F7: variants seen among roughly 807,000 people sequenced by gnomAD.
F7 encodes the protein FVII coagulation protein.
In F7, 38 loss-of-function variants were observed where a neutral mutation model predicts 47.5. That is an observed-to-expected ratio of 0.80 (90% CI 0.62 to 1.05). F7 has a LOEUF of 1.05. Among genes scored for constraint, F7 ranks in the 50% least tolerant of loss-of-function variants. The pLI, the probability that F7 is intolerant of heterozygous loss-of-function variation, is 0.00. For synonymous variants in F7, 244 were observed against 258.5 expected (o/e 0.94, Z 0.54); for missense variants, 575 against 605.4 (o/e 0.95, Z 0.53).
At position 113,117,424 on chromosome 13, in the gene F7, G is replaced by T. The variant is rs574551772; in HGVS notation, c.616-49G>T. 6.2e-6 allele frequency: 10 copies of T among 1,607,764 alleles called. No individual in the cohort carries two copies. The South Asian group carries it at 7.7e-5, about 12-fold the overall frequency. ...ATGCCCGGGAGGGCGAGTCATCAGA[G>T]AAACAATGACAGCAATGTGACTTCC... is the stretch of plus-strand genomic sequence containing the variant. On this transcript the variant is annotated intron_variant, in intron 6 of 7. Transcript: ENST00000346342.
intron 1 of F7, among the ~76,000 whole-genome samples, chr13:113,108,552 T>C (rs1298922182): frequency 6.3e-5 from 1 of 15,816 alleles, no homozygotes; most frequent in African/African-American, 3.0e-4. Context: ...GTCCCGGGAG[T>C]GTGGGTGTCC....
chr13:113,116,892 C>T lies in F7; in HGVS notation c.615+17C>T. 4 of 1,585,256 alleles carry T rather than the reference C, an allele frequency of 2.5e-6. No homozygotes were observed. Among genetic ancestry groups the T allele is most frequent in the Non-Finnish European group, 3.5e-6 (4 of 1,154,296 alleles). On this transcript the variant is annotated intron_variant, in intron 6 of 7. Transcript: ENST00000346342. ...CCATGGCAGGTAAGGCTTCCCCTGG[C>T]TTCAGGATTCCAAGCCCTGAGGGTC... is the stretch of plus-strand genomic sequence containing the variant.
At chr13:113,105,974 G>A in intron 1 of F7, 69 bp downstream of exon 1, 3 of 1,442,174 alleles carry the variant, frequency 2.1e-6, no homozygotes, top group East Asian at 2.5e-5. Context: ...AGCCAGCCCG[G>A]GCTTCCCAAA....
chr13:113,110,331 GGGGTTGCCCGGCACCC>G (rs2036065411), intron 1 of F7: 1 of 245,640 alleles, frequency 4.1e-6, no homozygotes, highest in African/African-American at 2.3e-5. Context: ...TGGGCCCCAG[GGGGTTGCCCGGCACCC>G]GGGGCCGCGC....
chr13:113,111,702 C>T (rs2036099122), intron 2 of F7, among the ~76,000 whole-genome samples: 1 of 56,300 alleles, frequency 1.8e-5, no homozygotes, highest in African/African-American at 8.7e-5. Context: ...TTCACACTCA[C>T]AGGTCACCTC....
chr13:113,110,839 G>A lies in F7; in HGVS notation c.214G>A (p.Ala72Thr), dbSNP rs769766040. ...GGAGGCCCGGGAGATCTTCAAGGAC[G>A]CGGAGAGGACGGTGAGCCCAGCCTC... is the stretch of plus-strand genomic sequence containing the variant. ...FEEAREIFKDAERTKLFWISY... is the reference protein window; with the variant it reads ...FEEAREIFKDTERTKLFWISY... Residue 72 changes from alanine to threonine, a missense_variant, in exon 2 of 8, where the codon GCG (alanine) becomes ACG (threonine). Physicochemically the swap from Ala to Thr is moderately conservative, Grantham distance 58 (BLOSUM62 0). Coordinates refer to ENST00000346342, the MANE Select transcript of F7 (RefSeq NM_019616.4). The A allele has an allele frequency of 1.5e-5, 24 of 1,560,726 alleles. No homozygotes were observed. The highest frequency in any genetic ancestry group is 2.0e-5 in the Non-Finnish European group (23 of 1,153,194).
At chr13:113,111,288 A>C (rs1458407924) in intron 2 of F7, among the ~76,000 whole-genome samples, 1 of 152,024 alleles carries the variant, frequency 6.6e-6, no homozygotes, top group African/African-American at 2.4e-5. Flanking sequence ...GGGAGAAACA[A>C]CACTTAGGGA....
At chr13:113,109,210 G>A (rs1315826548) in intron 1 of F7, among the ~76,000 whole-genome samples, 1 of 118,934 alleles carries the variant, frequency 8.4e-6, no homozygotes, top group Non-Finnish European at 1.8e-5. Context: ...GTGGGTGTCC[G>A]GGGGGCGTGG....
intron 2 of F7, among the ~76,000 whole-genome samples, chr13:113,111,793 CCT>C (rs1235373229): frequency 2.3e-4 from 9 of 38,928 alleles, no homozygotes; most frequent in African/African-American, 3.9e-4. Context: ...ACACAAGACA[CCT>C]CACACGGGGC....
At position 113,116,840 on chromosome 13, in the gene F7, G is replaced by C. The variant is rs1186901138; in HGVS notation, c.580G>C (p.Gly194Arg). 8.1e-6 allele frequency: 13 copies of C among 1,613,672 alleles called. No individual in the cohort carries two copies. The highest frequency in any genetic ancestry group is 1.1e-5 in the Non-Finnish European group (13 of 1,180,014). ...CAAACCCCAAGGCCGAATTGTGGGG[G>C]GCAAGGTGTGCCCCAAAGGGGAGTG... is the stretch of plus-strand genomic sequence containing the variant. ...ASKPQGRIVG[G>R]KVCPKGECPW... is the part of the protein sequence containing the mutation. Residue 194 changes from glycine to arginine, a missense_variant, in exon 6 of 8, where the codon GGC (glycine) becomes CGC (arginine). Transcript: ENST00000346342.
rs566894280 is a variant in F7, at chr13:113,114,236, TC to T, written c.364+279del. ...GCCCTCGAGATGGCCCAGCTGAGAG[TC>T]CCTGTGTCCCTGTCCCACTTCCACA... On this transcript the variant is annotated intron_variant, in intron 4 of 7. Coordinates refer to ENST00000346342, the MANE Select transcript of F7 (RefSeq NM_019616.4). Among the ~76,000 whole-genome samples the T allele has an allele frequency of 1.3e-3, 192 of 151,956 alleles. 1 individual carries two copies. Among genetic ancestry groups the T allele is most frequent in the African/African-American group, 4.5e-3 (186 of 41,458 alleles).
chr13:113,106,007 C>A lies in F7; in HGVS notation c.64+102C>A. ...AAACCCCGCCCTTGCTCCGGACACC[C>A]CCATCCACCAGGAGGGTTTTCTGGC... On this transcript the variant is annotated intron_variant, in intron 1 of 7. Transcript: ENST00000346342. 3 of 1,020,972 alleles carry A rather than the reference C, an allele frequency of 2.9e-6. No individual in the cohort carries two copies. The South Asian group carries it at 4.9e-5, about 17-fold the overall frequency. The allele number at this position is 1,020,972 out of a possible 1,614,324, so 63.2% of individuals were successfully genotyped here. A position where few individuals can be genotyped will look rare whatever the true frequency, so the allele number is the denominator to read the frequency against.
Position 113,119,040 on chromosome 13 carries a change from A to G in F7, c.*32A>G, listed in dbSNP as rs777929735. The G allele has an allele frequency of 3.8e-6, 6 of 1,591,284 alleles. No homozygotes were observed. Among genetic ancestry groups the G allele is most frequent in the Non-Finnish European group, 5.1e-6 (6 of 1,174,432 alleles). ...AGCCCTGGCCTGTGGAGAGAAAGCC[A>G]AGGCTGCGTCGAACTGTCCTGGCAC... On this transcript the variant is annotated 3_prime_UTR_variant, in exon 8 of 8. Coordinates refer to ENST00000346342, the MANE Select transcript of F7 (RefSeq NM_019616.4).
chr13:113,106,584 G>T (rs182938018), intron 1 of F7, among the ~76,000 whole-genome samples: 1 of 128 alleles, frequency 7.8e-3, no homozygotes, highest in Admixed American at 0.062. Context: ...GTGGGGGATG[G>T]GGCATGGAAA....
rs1295492373 is a variant in F7, at chr13:113,118,670, C to T, written c.997C>T (p.Leu333=). 1 of 1,612,806 alleles carries T rather than the reference C, an allele frequency of 6.2e-7. No homozygotes were observed. Among genetic ancestry groups the T allele is most frequent in the Non-Finnish European group, 8.5e-7 (1 of 1,179,924 alleles). The change falls in exon 8 of 8, where the codon CTG becomes TTG. Residue 333 remains leucine (L), a synonymous_variant. Coordinates refer to ENST00000346342, the MANE Select transcript of F7 (RefSeq NM_019616.4). ...GQLLDRGATA[L]ELMVLNVPRL... ...GCTGCTGGACCGTGGCGCCACGGCC[C>T]TGGAGCTCATGGTCCTCAACGTGCC...
At chr13:113,108,719 G>C (rs1283678143) in intron 1 of F7, among the ~76,000 whole-genome samples, 1 of 130,374 alleles carries the variant, frequency 7.7e-6, no homozygotes, top group African/African-American at 3.0e-5. Context: ...GGTGTCCCGG[G>C]GGTCGTGGGT....
At chr13:113,112,521 T>G (rs1367910311) in intron 2 of F7, among the ~76,000 whole-genome samples, 6 of 141,246 alleles carry the variant, frequency 4.2e-5, no homozygotes, top group African/African-American at 1.6e-4. Context: ...CATCTCATTC[T>G]CACAGGACAC....
rs768302905 is a variant in F7 at position 113,118,652 on chromosome 13, G to A, written c.979G>A (p.Asp327Asn). 2.5e-6 allele frequency: 4 copies of A among 1,612,784 alleles called. No homozygotes were observed. Among genetic ancestry groups the A allele is most frequent in the Admixed American group, 1.7e-5 (1 of 59,986 alleles). Residue 327 changes from aspartate (D) to asparagine (N), a missense_variant, in exon 8 of 8, where the codon GAC becomes AAC. By Grantham distance (23) the Asp-to-Asn change is conservative (BLOSUM62 1). Coordinates refer to ENST00000346342, the MANE Select transcript of F7 (RefSeq NM_019616.4). The stretch of plus-strand genomic sequence containing the variant: ...GGTCAGCGGCTGGGGCCAGCTGCTG[G>A]ACCGTGGCGCCACGGCCCTGGAGCT... The part of the protein sequence containing the change: ...SLVSGWGQLL[D>N]RGATALELMV...
Position 113,110,371 on chromosome 13 carries a change from C to A in F7, c.65-319C>A. The A allele has an allele frequency of 2.0e-5, 6 of 299,966 alleles. No homozygotes were observed. The South Asian group carries it at 2.9e-4, about 15-fold the overall frequency. The allele number at this position is 299,966 out of a possible 1,614,324, so 18.6% of individuals were successfully genotyped here. On this transcript the variant is annotated intron_variant, in intron 1 of 7. Coordinates refer to ENST00000346342, the MANE Select transcript of F7 (RefSeq NM_019616.4). Reference sequence around the variant, plus strand: ...CCGGGGCCGCGCCGCCTTCTCCTCGCCGGCATCGACCCGCAGCCTCACGTT... The same window carrying A: ...CCGGGGCCGCGCCGCCTTCTCCTCGACGGCATCGACCCGCAGCCTCACGTT...
Sources: gnomAD v4.1 joint callset for allele counts (sites outside exome capture counted in the v4.1 genomes callset) on GRCh38, gnomAD v4.1.1 for gene constraint, MANE v1.5 for transcripts, NCBI Gene and HGNC (gene_info 2026-07-23, HGNC 2026-07-21) for gene names.